WSCD2: variants seen among roughly 807,000 people sequenced by gnomAD.
The protein encoded by WSCD2 is WSC domain sialate O sulfotransferase 2.
In WSCD2, 28 loss-of-function variants were observed where a neutral mutation model predicts 55.7. That is an observed-to-expected ratio of 0.50 (90% CI 0.37 to 0.69). WSCD2 has a LOEUF of 0.69. Among genes scored for constraint, WSCD2 ranks in the 30% least tolerant of loss-of-function variants. The probability of loss-of-function intolerance (pLI) is 0.00; values close to 1 mark genes in which losing one functional copy is unlikely to be tolerated. For synonymous variants in WSCD2, 301 were observed against 301.9 expected (o/e 1.00, Z 0.03); for missense variants, 616 against 762.1 (o/e 0.81, Z 2.26).
intron 6 of WSCD2, among the ~76,000 whole-genome samples, chr12:108,231,402 G>A (rs1405295946): frequency 2.6e-5 from 4 of 152,178 alleles, no homozygotes; most frequent in Admixed American, 2.0e-4. Flanking sequence ...GGGTTGCAGT[G>A]GGAGGTGCTG....
At chr12:108,205,101 C>G (rs77536348) in intron 2 of WSCD2, among the ~76,000 whole-genome samples, 6 of 152,074 alleles carry the variant, frequency 3.9e-5, no homozygotes, top group Admixed American at 3.9e-4. Flanking sequence ...CTTTCTGGGC[C>G]GCTGTTAAAT....
chr12:108,133,113 G>A (rs1452899631), intron 1 of WSCD2, among the ~76,000 whole-genome samples: 2 of 151,990 alleles, frequency 1.3e-5, no homozygotes, highest in Non-Finnish European at 2.9e-5. Flanking sequence ...ACTTTTTGTG[G>A]ATCTCTCGAC....
At chr12:108,163,072 G>A (rs955802551) in intron 1 of WSCD2, among the ~76,000 whole-genome samples, 2 of 152,186 alleles carry the variant, frequency 1.3e-5, no homozygotes, top group Non-Finnish European at 2.9e-5. Flanking sequence ...GCTAATAAGT[G>A]GTAGGTCATC....
chr12:108,223,797 A>C (rs1887784020), intron 4 of WSCD2, among the ~76,000 whole-genome samples: 1 of 152,180 alleles, frequency 6.6e-6, no homozygotes, highest in Admixed American at 6.5e-5. Context: ...AAACTGACTG[A>C]CATTGGAAGC....
At chr12:108,209,854 C>T (rs1230150744) in intron 3 of WSCD2, among the ~76,000 whole-genome samples, 1 of 152,002 alleles carries the variant, frequency 6.6e-6, no homozygotes, top group African/African-American at 2.4e-5. Context: ...TGTGCTACCT[C>T]CCTAATCTCA....
intron 2 of WSCD2, chr12:108,196,998 G>C (rs1884009982): frequency 6.6e-6 from 1 of 152,218 alleles, no homozygotes; most frequent in African/African-American, 2.4e-5. Context: ...GTTTAAATCT[G>C]ATTCATCTGG....
intron 1 of WSCD2, among the ~76,000 whole-genome samples, chr12:108,141,848 G>A (rs1565913098): frequency 1.3e-5 from 2 of 152,174 alleles, no homozygotes; most frequent in Non-Finnish European, 2.9e-5. Flanking sequence ...TTTAAGTAAA[G>A]TGGAGTTGAA....
Position 108,210,630 on chromosome 12 carries a change from A to G in WSCD2, c.682+325A>G, listed in dbSNP as rs1312142021. Among the ~76,000 whole-genome samples the G allele has an allele frequency of 6.6e-6, 1 of 152,228 alleles. No individual in the cohort carries two copies. The highest frequency in any genetic ancestry group is 2.4e-5 in the African/African-American group (1 of 41,454). Reference sequence around the variant, plus strand: ...CTTCCCATCCTGATTTTCTCAGAGCAGACTGTCTCTAATGATGATGATGGT... The same window carrying G: ...CTTCCCATCCTGATTTTCTCAGAGCGGACTGTCTCTAATGATGATGATGGT... On this transcript the variant is annotated intron_variant, in intron 4 of 8. Coordinates refer to ENST00000547525, the MANE Select transcript of WSCD2 (RefSeq NM_014653.4). This position sits in a 1 kb window ranked among gnomAD's most constrained non-coding sequence, Gnocchi z 4.3.
intron 1 of WSCD2, among the ~76,000 whole-genome samples, chr12:108,141,989 C>T (rs1876872119): frequency 6.6e-6 from 1 of 152,168 alleles, no homozygotes; most frequent in Admixed American, 6.5e-5. Flanking sequence ...CTTCATTATG[C>T]AAAACACACA....
In WSCD2 at chr12:108,248,757, C is replaced by T. The variant is rs565589112; in HGVS notation, c.*414C>T. ...AGGGGGCTATTGTAAAAACTTGGCC[C>T]CAGATGCTTGTCCCTTCTGGGCTGA... On this transcript the variant is annotated 3_prime_UTR_variant, in exon 9 of 9. Coordinates refer to ENST00000547525, the MANE Select transcript of WSCD2 (RefSeq NM_014653.4). This position sits in a 1 kb window ranked among gnomAD's most constrained non-coding sequence, Gnocchi z 4.3. 1.0e-6 allele frequency: 1 copy of T among 997,500 alleles called. No homozygotes were observed. Among genetic ancestry groups the T allele is most frequent in the Middle Eastern group, 5.2e-4 (1 of 1,922 alleles). 61.8% of individuals were successfully genotyped at this position (997,500 alleles called of 1,614,324 possible).
At chr12:108,197,421 T>C (rs1320149655) in intron 2 of WSCD2, among the ~76,000 whole-genome samples, 8 of 152,164 alleles carry the variant, frequency 5.3e-5, no homozygotes, top group Admixed American at 4.6e-4. Context: ...AAAGGAGATG[T>C]TGGAAGTGGT....
intron 1 of WSCD2, among the ~76,000 whole-genome samples, chr12:108,152,370 C>T (rs1346294019): frequency 6.6e-6 from 1 of 152,172 alleles, no homozygotes; most frequent in East Asian, 1.9e-4. Flanking sequence ...AACAAGGGCT[C>T]TGTGTGCTCC....
chr12:108,177,408 A>G (rs1386889666), intron 1 of WSCD2, among the ~76,000 whole-genome samples: 1 of 152,192 alleles, frequency 6.6e-6, no homozygotes, highest in Non-Finnish European at 1.5e-5. Context: ...AGCAGTAAGT[A>G]TAGTGAGTGC....
At position 108,232,897 on chromosome 12, in the gene WSCD2, TGAG is replaced by T; in HGVS notation, c.1144+6_1144+8del. 6.2e-7 allele frequency: 1 copy of T among 1,608,762 alleles called. No homozygotes were observed. Among genetic ancestry groups the T allele is most frequent in the Non-Finnish European group, 8.5e-7 (1 of 1,175,748 alleles). On this transcript the variant is annotated splice_donor_5th_base_variant and intron_variant, in intron 7 of 8. Transcript: ENST00000547525. ...TCGATGGCTCCCTCTACAACAAAGG[TGAG>T]GAGATGGCAGGGAGGGCAGGGCAAG...
intron 1 of WSCD2, among the ~76,000 whole-genome samples, chr12:108,165,439 C>T (rs1879509680): frequency 6.6e-6 from 1 of 152,112 alleles, no homozygotes; most frequent in Non-Finnish European, 1.5e-5. Flanking sequence ...GCTATGTTTC[C>T]CAGGCTGGTC....
At chr12:108,150,126 G>A (rs1877820749) in intron 1 of WSCD2, among the ~76,000 whole-genome samples, 1 of 151,962 alleles carries the variant, frequency 6.6e-6, no homozygotes, top group South Asian at 2.1e-4. Flanking sequence ...TGAGGGTGGT[G>A]TTATTATTAC....
At chr12:108,193,963 G>A (rs568765435) in intron 1 of WSCD2, among the ~76,000 whole-genome samples, 3 of 152,348 alleles carry the variant, frequency 2.0e-5, no homozygotes, top group South Asian at 4.1e-4. Flanking sequence ...AGGAGAGTAT[G>A]TTACAATTTG....
At chr12:108,223,065 G>C (rs1887704983) in intron 4 of WSCD2, among the ~76,000 whole-genome samples, 1 of 152,244 alleles carries the variant, frequency 6.6e-6, no homozygotes, top group African/African-American at 2.4e-5. Context: ...TTCTTCTCCA[G>C]GAAGCCTTAG....
chr12:108,204,933 T>C (rs922310495), intron 2 of WSCD2, among the ~76,000 whole-genome samples: 1 of 152,230 alleles, frequency 6.6e-6, no homozygotes, highest in Non-Finnish European at 1.5e-5. Context: ...TGGCATTTAG[T>C]ATTTTCTTCA....
Sources: allele counts gnomAD v4.1 joint callset (sites outside exome capture counted in the v4.1 genomes callset), GRCh38; gene constraint gnomAD v4.1.1; non-coding constraint Gnocchi (gnomAD v3.1); transcripts MANE v1.5; gene names NCBI Gene and HGNC (gene_info 2026-07-23, HGNC 2026-07-21).